The following KCNMA1 variants were observed in gnomAD, a reference collection of about 807,000 sequenced individuals.
KCNMA1 encodes the protein potassium calcium-activated channel subfamily M alpha 1.
Under a neutral mutation model 140.0 loss-of-function variants are expected in KCNMA1, and 29 were observed. The ratio of observed to expected loss-of-function variants is 0.21; its 90% confidence interval spans 0.15 to 0.28. The LOEUF is 0.28. KCNMA1 is among the 10% of genes least tolerant of loss of function. The pLI, the probability that KCNMA1 is intolerant of heterozygous loss-of-function variation, is 1.00. For missense variants in KCNMA1, 880 were observed against 1,602.2 expected (o/e 0.55, Z 7.70); for synonymous variants, 612 against 611.9 (o/e 1.00, Z 0.00).
intron 9 of KCNMA1, among the ~76,000 whole-genome samples, chr10:77,101,681 C>A (rs2097101355): frequency 6.6e-6 from 1 of 152,260 alleles, no homozygotes; most frequent in African/African-American, 2.4e-5. Context: ...GTGTAGGATG[C>A]AAAGCTTCAG....
intron 5 of KCNMA1, among the ~76,000 whole-genome samples, chr10:77,165,738 A>C (rs936543046): frequency 6.6e-6 from 1 of 152,178 alleles, no homozygotes; most frequent in Non-Finnish European, 1.5e-5. Flanking sequence ...TTAGCTATTC[A>C]CTTGACATTT....
At chr10:77,066,466 T>A (rs1437466822) in intron 14 of KCNMA1, among the ~76,000 whole-genome samples, 2 of 152,052 alleles carry the variant, frequency 1.3e-5, no homozygotes, top group East Asian at 3.9e-4. Context: ...AAAGAACAGG[T>A]TTGTGGACAA....
intron 2 of KCNMA1, among the ~76,000 whole-genome samples, chr10:77,391,538 G>A (rs2095822640): frequency 6.6e-6 from 1 of 152,208 alleles, no homozygotes; most frequent in Admixed American, 6.5e-5. Context: ...TCAAACAGGA[G>A]AGAATAGTTT....
intron 18 of KCNMA1, among the ~76,000 whole-genome samples, chr10:77,002,479 T>C (rs987840344): frequency 6.6e-6 from 1 of 152,228 alleles, no homozygotes; most frequent in Non-Finnish European, 1.5e-5. Context: ...ATTTCTTTTT[T>C]CCTTATACAG....
chr10:77,615,972 C>T (rs761634045), intron 1 of KCNMA1, among the ~76,000 whole-genome samples: 21 of 152,264 alleles, frequency 1.4e-4, no homozygotes, highest in Admixed American at 1.0e-3. Flanking sequence ...AAAACCTTTA[C>T]GTGGCTGGTA....
chr10:77,174,258 A>AT (rs1448649119), intron 5 of KCNMA1, among the ~76,000 whole-genome samples: 1 of 152,116 alleles, frequency 6.6e-6, no homozygotes. Flanking sequence ...TTTCTCTAGC[A>AT]TTTCTTCAGG....
chr10:77,242,809 C>T (rs1228284333), intron 3 of KCNMA1, among the ~76,000 whole-genome samples: 2 of 151,536 alleles, frequency 1.3e-5, no homozygotes, highest in Admixed American at 6.6e-5. Flanking sequence ...CAGCTCTCAG[C>T]CTCATCTCTG....
chr10:77,025,408 G>T, intron 16 of KCNMA1: 2 of 1,578,674 alleles, frequency 1.3e-6, no homozygotes, highest in Non-Finnish European at 1.7e-6. Flanking sequence ...GAAGATAGAG[G>T]GTGGAGGTTG....
rs2051467613 is a variant in KCNMA1 at position 76,913,881 on chromosome 10, G to A, written c.3016+1055C>T. The A allele has an allele frequency of 8.5e-6, 5 of 585,560 alleles. No homozygotes were observed. The South Asian group carries it at 1.1e-4, about 13-fold the overall frequency. 36.3% of individuals were successfully genotyped at this position (585,560 alleles called of 1,614,324 possible). On this transcript the variant is annotated intron_variant, in intron 24 of 27. Coordinates refer to ENST00000286628, the MANE Select transcript of KCNMA1 (RefSeq NM_001161352.2). ...GTGTGGGGAAAAAATCATTAAGAAA[G>A]GCCAGAACAAGACAGTCGATTCCAA... is the stretch of plus-strand genomic sequence containing the variant.
At chr10:77,616,385 G>GT (rs1385016293) in intron 1 of KCNMA1, among the ~76,000 whole-genome samples, 1 of 152,208 alleles carries the variant, frequency 6.6e-6, no homozygotes, top group Non-Finnish European at 1.5e-5. Flanking sequence ...GAAAGTAACA[G>GT]TAATAACTAA....
chr10:77,416,326 G>A (rs2096741448), intron 1 of KCNMA1, among the ~76,000 whole-genome samples: 1 of 152,148 alleles, frequency 6.6e-6, no homozygotes, highest in South Asian at 2.1e-4. Context: ...GGGGAAAGGG[G>A]AAGGCAAGCA....
At chr10:77,506,620 T>TGTG (rs1567212074) in intron 1 of KCNMA1, among the ~76,000 whole-genome samples, 1 of 104,188 alleles carries the variant, frequency 9.6e-6, no homozygotes, top group Non-Finnish European at 2.0e-5. Context: ...TGTGTGTGTG[T>TGTG]TAGAGAGGGA....
At chr10:77,579,755 C>T (rs554471895) in intron 1 of KCNMA1, among the ~76,000 whole-genome samples, 1 of 152,036 alleles carries the variant, frequency 6.6e-6, no homozygotes, top group Non-Finnish European at 1.5e-5. Context: ...GGCTGGGAGA[C>T]CCTCAGGAGG....
intron 23 of KCNMA1, among the ~76,000 whole-genome samples, chr10:76,932,952 G>T (rs1224007418): frequency 6.6e-6 from 1 of 152,156 alleles, no homozygotes; most frequent in Non-Finnish European, 1.5e-5. Context: ...TTGGGCCCTG[G>T]GTTGGTACTG....
At chr10:77,295,006 G>C (rs1402005326) in intron 2 of KCNMA1, among the ~76,000 whole-genome samples, 2 of 152,146 alleles carry the variant, frequency 1.3e-5, no homozygotes, top group Non-Finnish European at 2.9e-5. Flanking sequence ...ATATGTTGTA[G>C]CTGTTTTTAA....
At chr10:77,475,326 G>A (rs2098255167) in intron 1 of KCNMA1, among the ~76,000 whole-genome samples, 1 of 152,152 alleles carries the variant, frequency 6.6e-6, no homozygotes, top group African/African-American at 2.4e-5. Context: ...CTTCAGAGTT[G>A]GGGCCGGAGT....
chr10:77,175,978 C>T (rs992963769), intron 5 of KCNMA1, among the ~76,000 whole-genome samples: 19 of 152,214 alleles, frequency 1.2e-4, no homozygotes, highest in Non-Finnish European at 2.2e-4. Flanking sequence ...CCACAGCTTT[C>T]ATTCTTGATT....
chr10:77,059,468 C>T (rs2095659407), intron 14 of KCNMA1, among the ~76,000 whole-genome samples: 1 of 151,910 alleles, frequency 6.6e-6, no homozygotes, highest in Non-Finnish European at 1.5e-5. Flanking sequence ...TATTAACAAA[C>T]CAAATCCACC....
chr10:77,149,353 A>T (rs1254025642), intron 5 of KCNMA1, among the ~76,000 whole-genome samples: 2 of 152,202 alleles, frequency 1.3e-5, no homozygotes, highest in Non-Finnish European at 2.9e-5. Flanking sequence ...TTCCAATCCA[A>T]AACAAGTTAG....
Sources: gnomAD v4.1 joint callset for allele counts (sites outside exome capture counted in the v4.1 genomes callset) on GRCh38, gnomAD v4.1.1 for gene constraint, MANE v1.5 for transcripts, NCBI Gene and HGNC (gene_info 2026-07-23, HGNC 2026-07-21) for gene names.